Variants in STXBP4 observed in about 807,000 individuals in gnomAD.
The protein encoded by STXBP4 is syntaxin-binding protein 4.
A neutral mutation model predicts 76.1 loss-of-function variants in STXBP4; 55 were observed. The ratio of observed to expected loss-of-function variants is 0.72; its 90% CI spans 0.58 to 0.91. The LOEUF (loss-of-function observed/expected upper bound fraction) is 0.91. Ranked by LOEUF, STXBP4 falls within the 40% of genes least tolerant of loss-of-function variation. The pLI is 0.00. For synonymous variants in STXBP4, 201 were observed against 220.2 expected, an observed-to-expected ratio of 0.91 and a Z score of 0.77; for missense variants, 618 against 636.9, an observed-to-expected ratio of 0.97 and a Z score of 0.32.
chr17:55,147,178 T>C (rs1353862117), intron 17 of STXBP4, among the ~76,000 whole-genome samples: 1 of 152,218 alleles, frequency 6.6e-6, no homozygotes, highest in African/African-American at 2.4e-5. Context: ...GTTCCCAACC[T>C]TTTTGGCACG....
At chr17:55,208,608 A>AGG in the STXBP4 span, among the ~76,000 whole-genome samples, 6,125 of 141,462 alleles carry the variant, frequency 0.043, 544 homozygotes, top group African/African-American at 0.17. Flanking sequence ...GAAGGAAGGA[A>AGG]AGAGAGAGGG....
At chr17:55,020,405 T>C (rs1011250760) in intron 8 of STXBP4, among the ~76,000 whole-genome samples, 1 of 152,196 alleles carries the variant, frequency 6.6e-6, no homozygotes, top group African/African-American at 2.4e-5. Flanking sequence ...AAACATGTTC[T>C]ATGTCTAACT....
At position 55,164,698 on chromosome 17, in the gene STXBP4, C is replaced by T. The variant is rs1351038258; in HGVS notation, c.*4787C>T. 1 of 150,884 alleles carries T rather than the reference C, an allele frequency of 6.6e-6. No individual in the cohort carries two copies. The highest frequency in any genetic ancestry group is 1.5e-5 in the Non-Finnish European group (1 of 67,758). The allele number at this position is 150,884 out of a possible 1,614,324, so 9.3% of individuals were successfully genotyped here. A position where few individuals can be genotyped will look rare whatever the true frequency, so the allele number is the denominator to read the frequency against. On this transcript the variant is annotated 3_prime_UTR_variant, in exon 18 of 18. Transcript: ENST00000376352. Reference sequence around the variant, plus strand: ...CGATCTCCTGACCTCATGATCCACCCGCCTCGGCCTCCCAAAGTGCTGGGA... The same window carrying T: ...CGATCTCCTGACCTCATGATCCACCTGCCTCGGCCTCCCAAAGTGCTGGGA...
chr17:54,990,646 C>T (rs2077700571), intron 3 of STXBP4, among the ~76,000 whole-genome samples, 179 bp from the exon 4 acceptor site: 1 of 152,156 alleles, frequency 6.6e-6, no homozygotes. Flanking sequence ...CCCTCTGCAA[C>T]CCCATTCCCT....
intron 17 of STXBP4, among the ~76,000 whole-genome samples, chr17:55,154,629 A>T (rs2080256643): frequency 6.6e-6 from 1 of 152,200 alleles, no homozygotes; most frequent in Admixed American, 6.5e-5. Context: ...CCTTCTTTGA[A>T]AAATTAATTA....
intron 8 of STXBP4, chr17:55,030,940 G>T (rs1457335211): frequency 5.1e-6 from 2 of 392,132 alleles, no homozygotes; most frequent in African/African-American, 2.0e-5. Context: ...CATAAATTTG[G>T]TATTAGCTAA....
the STXBP4 span, among the ~76,000 whole-genome samples, chr17:55,187,586 A>G: frequency 4.6e-5 from 7 of 152,100 alleles, no homozygotes; most frequent in Non-Finnish European, 1.0e-4. Context: ...TTCCTCTCCA[A>G]ATGGATTCAG....
chr17:55,032,183 A>T (rs1265930476), intron 9 of STXBP4, among the ~76,000 whole-genome samples: 1 of 152,160 alleles, frequency 6.6e-6, no homozygotes, highest in Non-Finnish European at 1.5e-5. Context: ...TGTCACTATT[A>T]AGTAATTTTT....
chr17:55,143,707 C>T (rs894926725), intron 17 of STXBP4, among the ~76,000 whole-genome samples: 2 of 152,166 alleles, frequency 1.3e-5, no homozygotes, highest in Non-Finnish European at 2.9e-5. Flanking sequence ...GTGGAAAGAA[C>T]AGAGAGATGC....
At chr17:55,048,505 A>G (rs965000185) in intron 12 of STXBP4, among the ~76,000 whole-genome samples, 3 of 151,866 alleles carry the variant, frequency 2.0e-5, no homozygotes, top group Non-Finnish European at 4.4e-5. Flanking sequence ...AAAACTTAAG[A>G]AAAATGTAAC....
At chr17:55,181,678 A>T in the STXBP4 span, among the ~76,000 whole-genome samples, 4 of 152,342 alleles carry the variant, frequency 2.6e-5, no homozygotes, top group East Asian at 1.9e-4. Flanking sequence ...CGCTAAAGTC[A>T]TTGGAAAGCT....
rs142789337 is a variant in STXBP4, at chr17:55,127,937, G to A, written c.1490-13373G>A. Among the ~76,000 whole-genome samples the A allele has an allele frequency of 4.7e-5, 7 of 148,376 alleles. No homozygotes were observed. The East Asian group carries it at 5.9e-4, about 12-fold the overall frequency. On this transcript the variant is annotated intron_variant, in intron 16 of 17. Coordinates refer to ENST00000376352, the MANE Select transcript of STXBP4 (RefSeq NM_178509.6). ...TGTATGTTCATTTATATTCAAGGTC[G>A]GAAACAGCAATGATCTTGACTTCAT... is the stretch of plus-strand genomic sequence containing the variant.
Position 55,164,475 on chromosome 17 carries a change from G to A in STXBP4, c.*4564G>A, listed in dbSNP as rs1369812061. On this transcript the variant is annotated 3_prime_UTR_variant, in exon 18 of 18. Transcript: ENST00000376352. ...TTTTTTTTTTTTGAGACGGAGTCTCGCTCTGTCGCCCAGGCGGGACTGCGG... is the reference window on the plus strand; with the variant it reads ...TTTTTTTTTTTTGAGACGGAGTCTCACTCTGTCGCCCAGGCGGGACTGCGG... 1 of 118,354 alleles carries A rather than the reference G, an allele frequency of 8.4e-6. No individual in the cohort carries two copies. Among genetic ancestry groups the A allele is most frequent in the Non-Finnish European group, 1.6e-5 (1 of 61,808 alleles). The allele number at this position is 118,354 out of a possible 1,614,324, so 7.3% of individuals were successfully genotyped here.
chr17:54,995,855 A>G (rs978072591), intron 4 of STXBP4, among the ~76,000 whole-genome samples: 7 of 152,088 alleles, frequency 4.6e-5, no homozygotes, highest in Non-Finnish European at 8.8e-5. Flanking sequence ...ATTTCCTCAG[A>G]CTGTTTCTTG....
intron 17 of STXBP4, among the ~76,000 whole-genome samples, chr17:55,150,255 A>T (rs914966855): frequency 6.6e-6 from 1 of 152,136 alleles, no homozygotes; most frequent in Admixed American, 6.5e-5. Context: ...AAGTCCCAAG[A>T]TCAGGGCGCC....
the STXBP4 span, among the ~76,000 whole-genome samples, chr17:55,188,648 C>T: frequency 6.6e-6 from 1 of 152,198 alleles, no homozygotes; most frequent in Admixed American, 6.5e-5. Context: ...ACTGTGGCCA[C>T]TCCTGATTTT....
intron 16 of STXBP4, among the ~76,000 whole-genome samples, chr17:55,123,590 GCAA>G (rs1270524266): frequency 6.6e-6 from 1 of 152,102 alleles, no homozygotes; most frequent in Non-Finnish European, 1.5e-5. Flanking sequence ...GCAGCAATGA[GCAA>G]CAACAACGAC....
chr17:54,995,927 G>A (rs1410747746), intron 4 of STXBP4, among the ~76,000 whole-genome samples: 1 of 152,112 alleles, frequency 6.6e-6, no homozygotes, highest in Non-Finnish European at 1.5e-5. Context: ...AAATAACCAT[G>A]AAAAGGACAG....
chr17:55,185,148 G>A, the STXBP4 span, among the ~76,000 whole-genome samples: 1 of 151,904 alleles, frequency 6.6e-6, no homozygotes, highest in African/African-American at 2.4e-5. Context: ...TGGAATTACA[G>A]GCATGAACCA....
Sources: allele counts gnomAD v4.1 joint callset (sites outside exome capture counted in the v4.1 genomes callset), GRCh38; gene constraint gnomAD v4.1.1; transcripts MANE v1.5; gene names NCBI Gene and HGNC (gene_info 2026-07-23, HGNC 2026-07-21).